The following RIN3 variants were observed in gnomAD, a reference collection of about 807,000 sequenced individuals.
The protein encoded by RIN3 is RAB5 interacting protein 3.
Under a neutral mutation model 76.3 loss-of-function variants are expected in RIN3, and 54 were observed. The ratio of observed to expected loss-of-function variants is 0.71; its 90% CI spans 0.57 to 0.89. RIN3 has a LOEUF of 0.89. RIN3 is among the 40% of genes least tolerant of loss of function. The pLI, the probability that RIN3 is intolerant of heterozygous loss-of-function variation, is 0.00. For missense variants in RIN3, 1,256 were observed against 1,322.1 expected (o/e 0.95, Z 0.78); for synonymous variants, 576 against 564.0 (o/e 1.02, Z -0.30).
At chr14:92,534,457 G>T (rs1896950524) in intron 1 of RIN3, among the ~76,000 whole-genome samples, 1 of 151,952 alleles carries the variant, frequency 6.6e-6, no homozygotes, top group Non-Finnish European at 1.5e-5. Flanking sequence ...TCAGGCACCT[G>T]TAATCCCGGC....
At position 92,546,926 on chromosome 14, in the gene RIN3, A is replaced by G. The variant is rs954310109; in HGVS notation, c.45-8825A>G. On this transcript the variant is annotated intron_variant, in intron 1 of 9. Coordinates refer to ENST00000216487, the MANE Select transcript of RIN3 (RefSeq NM_024832.5). ...AATGTGACCTACTAAAAGTGTTAAC[A>G]TGGGCCAGGTATTACCAGCTCCATT... is the stretch of plus-strand genomic sequence containing the variant. Among the ~76,000 whole-genome samples the G allele has an allele frequency of 3.3e-5, 5 of 151,356 alleles. No individual in the cohort carries two copies. In the East Asian group the frequency reaches 7.7e-4, roughly 23 times the overall value.
At chr14:92,631,670 G>A (rs1218085299) in intron 4 of RIN3, among the ~76,000 whole-genome samples, 1 of 151,986 alleles carries the variant, frequency 6.6e-6, no homozygotes, top group African/African-American at 2.4e-5. Context: ...GTGTGATCTG[G>A]GCTCACTGCA....
intron 1 of RIN3, among the ~76,000 whole-genome samples, chr14:92,521,830 C>T (rs1896605095): frequency 6.6e-6 from 1 of 152,208 alleles, no homozygotes; most frequent in Non-Finnish European, 1.5e-5. Context: ...GTATAAAAAG[C>T]TGCCGAACTT....
intron 1 of RIN3, among the ~76,000 whole-genome samples, chr14:92,547,150 T>TTTA (rs10696268): frequency 0.22 from 9,195 of 41,548 alleles, 3,002 homozygotes; most frequent in Middle Eastern, 0.33. Flanking sequence ...TTATCTTTAT[T>TTTA]TTATTATTAT....
chr14:92,659,065 C>T lies in RIN3; in HGVS notation c.2027-96C>T, dbSNP rs1042984675. The T allele has an allele frequency of 1.0e-5, 12 of 1,179,912 alleles. No homozygotes were observed. The East Asian group carries it at 2.8e-4, about 28-fold the overall frequency. 73.1% of individuals were successfully genotyped at this position (1,179,912 alleles called of 1,614,324 possible). On this transcript the variant is annotated intron_variant, in intron 6 of 9. Transcript: ENST00000216487. Reference sequence around the variant, plus strand: ...GGGCTGTGAGTGTCCTTCCAGGGGCCAGGGGATGGGGATGGCTGTGCTGTT... The same window carrying T: ...GGGCTGTGAGTGTCCTTCCAGGGGCTAGGGGATGGGGATGGCTGTGCTGTT...
At chr14:92,588,965 C>T (rs949811824) in intron 3 of RIN3, among the ~76,000 whole-genome samples, 2 of 152,188 alleles carry the variant, frequency 1.3e-5, no homozygotes, top group African/African-American at 4.8e-5. Context: ...TCCTGGCCAT[C>T]CTGAAATAGC....
At chr14:92,518,046 T>G (rs1896490150) in intron 1 of RIN3, among the ~76,000 whole-genome samples, 1 of 152,268 alleles carries the variant, frequency 6.6e-6, no homozygotes, top group Non-Finnish European at 1.5e-5. Context: ...TCTGTGGTCT[T>G]GTACCTTTGC....
At chr14:92,622,834 C>G (rs143469115) in intron 4 of RIN3, among the ~76,000 whole-genome samples, 63 of 152,370 alleles carry the variant, frequency 4.1e-4, no homozygotes, top group Middle Eastern at 6.8e-3. Context: ...GGCACAGAAA[C>G]TCTTTGAAGA....
intron 4 of RIN3, among the ~76,000 whole-genome samples, chr14:92,628,957 A>G (rs925834043): frequency 6.7e-6 from 1 of 149,888 alleles, no homozygotes; most frequent in Non-Finnish European, 1.5e-5. Context: ...AAAGAGAGAG[A>G]AAAAAAAATG....
intron 2 of RIN3, chr14:92,576,121 A>G: frequency 1.2e-6 from 1 of 830,394 alleles, no homozygotes; most frequent in South Asian, 1.7e-5. Context: ...CTATGGAGGG[A>G]TGCCCCCTCC....
intron 3 of RIN3, among the ~76,000 whole-genome samples, chr14:92,602,444 A>C (rs1408211156): frequency 1.3e-5 from 2 of 152,136 alleles, no homozygotes; most frequent in Non-Finnish European, 2.9e-5. Flanking sequence ...TCCTCTCTCA[A>C]CAAAAGGCAC....
intron 1 of RIN3, among the ~76,000 whole-genome samples, chr14:92,518,293 A>G (rs1178930085): frequency 6.6e-6 from 1 of 152,248 alleles, no homozygotes; most frequent in Non-Finnish European, 1.5e-5. Context: ...CTTGTGTCCT[A>G]CATGCACTTG....
chr14:92,587,120 G>A (rs539741826), intron 3 of RIN3, among the ~76,000 whole-genome samples: 1 of 152,232 alleles, frequency 6.6e-6, no homozygotes, highest in Non-Finnish European at 1.5e-5. Context: ...GATTTGGTTT[G>A]TAGTGTTATC....
At chr14:92,517,615 GC>G (rs1896477230) in intron 1 of RIN3, among the ~76,000 whole-genome samples, 1 of 152,124 alleles carries the variant, frequency 6.6e-6, no homozygotes, top group Admixed American at 6.5e-5. Context: ...TGCTCTGATG[GC>G]CAACTCCAGA....
At chr14:92,646,612 G>A (rs1401346193) in intron 5 of RIN3, among the ~76,000 whole-genome samples, 1 of 152,120 alleles carries the variant, frequency 6.6e-6, no homozygotes, top group Non-Finnish European at 1.5e-5. Flanking sequence ...ACTAATTTTT[G>A]TATTTTTAGT....
chr14:92,627,358 T>C (rs1212919980), intron 4 of RIN3, among the ~76,000 whole-genome samples: 1 of 152,258 alleles, frequency 6.6e-6, no homozygotes, highest in African/African-American at 2.4e-5. Flanking sequence ...AGCATTGGCA[T>C]GCAGGTATAA....
chr14:92,589,699 GC>G (rs1300765892), intron 3 of RIN3, among the ~76,000 whole-genome samples: 1 of 152,194 alleles, frequency 6.6e-6, no homozygotes, highest in Non-Finnish European at 1.5e-5. Flanking sequence ...CAATAATAGT[GC>G]CTGGCACACA....
chr14:92,568,887 C>T lies in RIN3; in HGVS notation c.250-8473C>T, dbSNP rs2140049418. Among the ~76,000 whole-genome samples, 2 of 152,366 alleles carry T rather than the reference C, an allele frequency of 1.3e-5. No homozygotes were observed. Among genetic ancestry groups the T allele is most frequent in the South Asian group, 2.1e-4 (1 of 4,832 alleles). ...GGGACTTTCCAGCCCTGTCGACAAG[C>T]TGTGTAGATAACACAGCCCAACAGC... On this transcript the variant is annotated intron_variant, in intron 2 of 9. Transcript: ENST00000216487. The surrounding 1 kb of genome is among the most constrained non-coding windows in gnomAD (Gnocchi z 4.2).
chr14:92,537,609 C>CA (rs1205254975), intron 1 of RIN3, among the ~76,000 whole-genome samples: 1 of 148,418 alleles, frequency 6.7e-6, no homozygotes, highest in Admixed American at 6.8e-5. Context: ...ATGCTTCCAC[C>CA]AGCTATAAGT....
Sources: allele counts gnomAD v4.1 joint callset (sites outside exome capture counted in the v4.1 genomes callset), GRCh38; gene constraint gnomAD v4.1.1; non-coding constraint Gnocchi (gnomAD v3.1); transcripts MANE v1.5; gene names NCBI Gene and HGNC (gene_info 2026-07-23, HGNC 2026-07-21).